HNRNPD: variants seen among roughly 807,000 people sequenced by gnomAD.
HNRNPD encodes the protein heterogeneous nuclear ribonucleoprotein D.
In HNRNPD, 3 loss-of-function variants were observed where a neutral mutation model predicts 47.9. The ratio of observed to expected loss-of-function variants is 0.06; its 90% CI spans 0.03 to 0.16. HNRNPD has a LOEUF of 0.16. Ranked by LOEUF, HNRNPD falls within the 10% of genes least tolerant of loss-of-function variation. The pLI is 1.00. For synonymous variants in HNRNPD, 171 were observed against 165.1 expected, an observed-to-expected ratio of 1.04 and a Z score of -0.28; for missense variants, 287 against 454.2, an observed-to-expected ratio of 0.63 and a Z score of 3.35.
chr4:82,354,677 T>G (rs1452288326), intron 8 of HNRNPD: 1 of 152,594 alleles, frequency 6.6e-6, no homozygotes, highest in Non-Finnish European at 1.5e-5. Context: ...AATATAAAAT[T>G]AAGACTGGAA....
chr4:82,368,996 G>C (rs184600922), intron 2 of HNRNPD, among the ~76,000 whole-genome samples: 1 of 152,230 alleles, frequency 6.6e-6, no homozygotes, highest in African/African-American at 2.4e-5. Context: ...GCTGGACTTT[G>C]GCTAAGTGAA....
At chr4:82,355,499 G>C in intron 7 of HNRNPD, 98 bp from the exon 8 acceptor site, 1 of 836,924 alleles carries the variant, frequency 1.2e-6, no homozygotes, top group Non-Finnish European at 2.0e-6. Flanking sequence ...ATTAAGGGTA[G>C]CTTAATTCCC....
intron 2 of HNRNPD, among the ~76,000 whole-genome samples, chr4:82,365,649 G>C (rs1471350854): frequency 1.3e-5 from 2 of 152,022 alleles, no homozygotes; most frequent in Non-Finnish European, 2.9e-5. Context: ...TCTATTGCCA[G>C]GCTGTGGTGC....
chr4:82,373,628 C>CGCCGTT lies in HNRNPD; in HGVS notation c.45_50dup (p.Thr16_Ala17dup), dbSNP rs1192564590. 2.0e-5 allele frequency: 31 copies of CGCCGTT among 1,526,930 alleles called. No individual in the cohort carries two copies. The highest frequency in any genetic ancestry group is 2.5e-5 in the Non-Finnish European group (29 of 1,143,032). The allele number at this position is 1,526,930 out of a possible 1,614,324, so 94.6% of individuals were successfully genotyped here. The stretch of plus-strand genomic sequence containing the variant: ...GCTCGCCCGCCGAGCCGCCTACCGC[C>CGCCGTT]GCCGTTGCCGCTGCCGCCGCCCCGT... On this transcript the variant is annotated inframe_insertion, in exon 1 of 9. Transcript: ENST00000313899.
Position 82,373,934 on chromosome 4 carries a change from C to T in HNRNPD, c.-256G>A. 1 of 839,868 alleles carries T rather than the reference C, an allele frequency of 1.2e-6. No homozygotes were observed. The highest frequency in any genetic ancestry group is 1.7e-6 in the Non-Finnish European group (1 of 584,782). The allele number at this position is 839,868 out of a possible 1,614,324, so 52.0% of individuals were successfully genotyped here. A position where few individuals can be genotyped will look rare whatever the true frequency, so the allele number is the denominator to read the frequency against. On this transcript the variant is annotated 5_prime_UTR_variant, in exon 1 of 9. Coordinates refer to ENST00000313899, the MANE Select transcript of HNRNPD (RefSeq NM_031370.3). ...AAAAAGAATAAGCACCAGCGGCGGC[C>T]GCTCTCGCCTCCTCCTCGCTTTAAT... is the stretch of plus-strand genomic sequence containing the variant.
chr4:82,365,347 A>C (rs1294478577), intron 2 of HNRNPD, among the ~76,000 whole-genome samples: 3 of 152,182 alleles, frequency 2.0e-5, no homozygotes, highest in Non-Finnish European at 4.4e-5. Context: ...AATGTTACTC[A>C]AGCACACCAT....
chr4:82,371,209 TTAAAA>T (rs67419731), intron 2 of HNRNPD, among the ~76,000 whole-genome samples: 27,766 of 152,046 alleles, frequency 0.18, 2,753 homozygotes, highest in Non-Finnish European at 0.23. Flanking sequence ...ATTTTTCATC[TTAAAA>T]TAAATCAAAT....
At position 82,373,746 on chromosome 4, in the gene HNRNPD, A is replaced by G. The variant is rs752339877; in HGVS notation, c.-68T>C. ...GCTGCCGCGAACCGAAACTAGCAGC[A>G]AAGTAATCCCCGCCGCTGCCGCGCG... On this transcript the variant is annotated 5_prime_UTR_variant, in exon 1 of 9. Coordinates refer to ENST00000313899, the MANE Select transcript of HNRNPD (RefSeq NM_031370.3). The G allele has an allele frequency of 5.2e-6, 8 of 1,526,878 alleles. No homozygotes were observed. Among genetic ancestry groups the G allele is most frequent in the South Asian group, 1.2e-5 (1 of 83,768 alleles). 94.6% of individuals were successfully genotyped at this position (1,526,878 alleles called of 1,614,324 possible). A position where few individuals can be genotyped will look rare whatever the true frequency, so the allele number is the denominator to read the frequency against.
Position 82,373,615 on chromosome 4 carries a change from A to G in HNRNPD, c.64T>C (p.Ser22Pro), listed in dbSNP as rs1224237157. Residue 22 changes from serine to proline, a missense_variant, in exon 1 of 9, where the codon TCG becomes CCG. Around this residue, in one of 5 missense-constraint regions of HNRNPD, gnomAD observed 161 missense variants for 137.1 expected, o/e 1.17. Coordinates refer to ENST00000313899, the MANE Select transcript of HNRNPD (RefSeq NM_031370.3). ...ATGGCTCCCTCCTGCTCGCCCGCCG[A>G]GCCGCCTACCGCCGCCGTTGCCGCT... ...AAAATAAVGGSAGEQEGAMVA... is the reference protein window; with the variant it reads ...AAAATAAVGGPAGEQEGAMVA... 2 of 1,525,598 alleles carry G rather than the reference A, an allele frequency of 1.3e-6. No individual in the cohort carries two copies. The highest frequency in any genetic ancestry group is 5.1e-5 in the East Asian group (2 of 39,458). The allele number at this position is 1,525,598 out of a possible 1,614,324, so 94.5% of individuals were successfully genotyped here.
At chr4:82,371,280 G>A (rs1203635146) in intron 2 of HNRNPD, among the ~76,000 whole-genome samples, 2 of 152,050 alleles carry the variant, frequency 1.3e-5, no homozygotes, top group Non-Finnish European at 2.9e-5. Flanking sequence ...GTTACTAATT[G>A]TTTAGCTTAA....
intron 7 of HNRNPD, 184 bp from the exon 8 acceptor site, chr4:82,355,585 G>A: frequency 3.4e-6 from 2 of 582,568 alleles, no homozygotes; most frequent in Non-Finnish European, 6.1e-6. Flanking sequence ...TACAATGGCA[G>A]GCATTCAGAA....
At position 82,353,410 on chromosome 4, in the gene HNRNPD, A is replaced by C. The variant is rs1261766672; in HGVS notation, c.*775T>G. The C allele has an allele frequency of 2.0e-5, 3 of 152,274 alleles. No individual in the cohort carries two copies. Among genetic ancestry groups the C allele is most frequent in the Admixed American group, 6.5e-5 (1 of 15,286 alleles). 9.4% of individuals were successfully genotyped at this position (152,274 alleles called of 1,614,324 possible). A position where few individuals can be genotyped will look rare whatever the true frequency, so the allele number is the denominator to read the frequency against. On this transcript the variant is annotated 3_prime_UTR_variant, in exon 9 of 9. Coordinates refer to ENST00000313899, the MANE Select transcript of HNRNPD (RefSeq NM_031370.3). ...CACCACAGCTCTAAAAATCTCTCTG[A>C]ACTAGCCGCATTTCTATTATAATTA...
intron 2 of HNRNPD, among the ~76,000 whole-genome samples, chr4:82,361,036 T>C (rs1299993451): frequency 6.6e-6 from 1 of 152,188 alleles, no homozygotes; most frequent in Non-Finnish European, 1.5e-5. Flanking sequence ...TTCCTCAAAG[T>C]TTCCAGGCTT....
At chr4:82,367,081 G>A (rs1719802400) in intron 2 of HNRNPD, among the ~76,000 whole-genome samples, 1 of 146,284 alleles carries the variant, frequency 6.8e-6, no homozygotes, top group Non-Finnish European at 1.5e-5. Flanking sequence ...TGCCTAGCTG[G>A]TCTAGAAATC....
Position 82,357,379 on chromosome 4 carries a change from G to A in HNRNPD, c.687C>T (p.Thr229=). The change falls in exon 5 of 9, where the codon ACC becomes ACT. Residue 229 remains threonine (T), a synonymous_variant. Coordinates refer to ENST00000313899, the MANE Select transcript of HNRNPD (RefSeq NM_031370.3). Reference sequence around the variant, plus strand: ...TCTTCACTGGTTCTTCTTCCTTAAAGGTAATAAAGCAGAACCCACGCCTCT... The same window carrying A: ...TCTTCACTGGTTCTTCTTCCTTAAAAGTAATAAAGCAGAACCCACGCCTCT... The part of the protein sequence containing the change: ...TNKRRGFCFI[T]FKEEEPVKKI... 1 of 1,613,254 alleles carries A rather than the reference G, an allele frequency of 6.2e-7. No individual in the cohort carries two copies. The highest frequency in any genetic ancestry group is 8.5e-7 in the Non-Finnish European group (1 of 1,179,530).
chr4:82,362,401 A>G (rs1719503780), intron 2 of HNRNPD, among the ~76,000 whole-genome samples: 1 of 152,088 alleles, frequency 6.6e-6, no homozygotes, highest in South Asian at 2.1e-4. Flanking sequence ...ACGTATTAAT[A>G]TTTTGGCAGC....
At chr4:82,357,588 T>C in intron 4 of HNRNPD, 144 bp from the exon 5 acceptor site, 1 of 619,400 alleles carries the variant, frequency 1.6e-6, no homozygotes. Flanking sequence ...CTATTTATTC[T>C]AATCCTTTTA....
chr4:82,368,185 GGTAT>G (rs1452095935), intron 2 of HNRNPD, among the ~76,000 whole-genome samples: 1 of 152,130 alleles, frequency 6.6e-6, no homozygotes, highest in Non-Finnish European at 1.5e-5. Flanking sequence ...TTTCAAGCAT[GGTAT>G]GTATTATGAC....
rs1720049559 is a variant in HNRNPD, at chr4:82,371,570, G to A, written c.248C>T (p.Ser83Phe). 6.2e-7 allele frequency: 1 copy of A among 1,613,120 alleles called. No homozygotes were observed. Among genetic ancestry groups the A allele is most frequent in the Admixed American group, 1.7e-5 (1 of 59,978 alleles). ...CGTCGCTGCTTCAGAGTGTCGTGGG[G>A]AGGAGTTTGAATGGCTAGGGAATTA... ...NEEDEGHSNS[S>F]PRHSEAATAQ... The change falls in exon 2 of 9, where the codon TCC (serine) becomes TTC (phenylalanine). Residue 83 changes from serine (S) to phenylalanine (F), a missense_variant. Coordinates refer to ENST00000313899, the MANE Select transcript of HNRNPD (RefSeq NM_031370.3).
Sources: gnomAD v4.1 joint callset for allele counts (sites outside exome capture counted in the v4.1 genomes callset) on GRCh38, gnomAD v4.1.1 for gene constraint, gnomAD v4.1.1 regional missense constraint, MANE v1.5 for transcripts, NCBI Gene and HGNC (gene_info 2026-07-23, HGNC 2026-07-21) for gene names.